PRKG1: variants seen among roughly 807,000 people sequenced by gnomAD.
PRKG1 encodes the protein protein kinase cGMP-dependent 1.
A neutral mutation model predicts 88.1 loss-of-function variants in PRKG1; 35 were observed. The observed-to-expected ratio is 0.40, with a 90% CI of 0.30 to 0.53. The LOEUF is 0.53. Ranked by LOEUF, PRKG1 falls within the 20% of genes least tolerant of loss-of-function variation. The pLI, the probability that PRKG1 is intolerant of heterozygous loss-of-function variation, is 0.59. For missense variants in PRKG1, 540 were observed against 839.8 expected, an observed-to-expected ratio of 0.64 and a Z score of 4.41; for synonymous variants, 303 against 292.5, an observed-to-expected ratio of 1.04 and a Z score of -0.37.
intron 1 of PRKG1, among the ~76,000 whole-genome samples, chr10:50,999,718 A>G (rs1360636925): frequency 6.6e-6 from 1 of 152,222 alleles, no homozygotes; most frequent in East Asian, 1.9e-4. Flanking sequence ...GTAAATGTTA[A>G]TATTTTTCTT....
intron 7 of PRKG1, among the ~76,000 whole-genome samples, chr10:52,112,682 A>C (rs1296123068): frequency 2.0e-5 from 3 of 152,120 alleles, no homozygotes; most frequent in Non-Finnish European, 4.4e-5. Flanking sequence ...GTCCTTAAAT[A>C]CAAGTGTCCC....
chr10:52,136,162 A>G (rs1178461717), intron 8 of PRKG1, among the ~76,000 whole-genome samples: 1 of 152,102 alleles, frequency 6.6e-6, no homozygotes, highest in Non-Finnish European at 1.5e-5. Flanking sequence ...TGACTAGGTA[A>G]AAAGGAAGTG....
At chr10:51,432,841 C>A (rs969859285) in intron 2 of PRKG1, among the ~76,000 whole-genome samples, 7 of 152,158 alleles carry the variant, frequency 4.6e-5, no homozygotes, top group African/African-American at 1.4e-4. Flanking sequence ...GTTTTAACTA[C>A]GTCCCTTCAT....
chr10:51,413,509 A>G (rs1171508832), intron 2 of PRKG1, among the ~76,000 whole-genome samples: 1 of 151,898 alleles, frequency 6.6e-6, no homozygotes, highest in Non-Finnish European at 1.5e-5. Context: ...ACAGGCACAC[A>G]CCACCACGCC....
At chr10:52,232,605 A>G (rs570477911) in intron 9 of PRKG1, among the ~76,000 whole-genome samples, 3 of 152,360 alleles carry the variant, frequency 2.0e-5, no homozygotes, top group South Asian at 4.1e-4. Flanking sequence ...CATATTTCAT[A>G]TATTTACATT....
chr10:51,630,298 A>T (rs1839490467), intron 3 of PRKG1, among the ~76,000 whole-genome samples: 1 of 152,186 alleles, frequency 6.6e-6, no homozygotes, highest in Non-Finnish European at 1.5e-5. Context: ...TAATGCGGTT[A>T]ATTTTAATCA....
chr10:52,128,052 C>A, intron 7 of PRKG1: 1 of 984,698 alleles, frequency 1.0e-6, no homozygotes, highest in African/African-American at 1.7e-5. Context: ...ATTATCCTAC[C>A]CCTTGTAGTA....
At chr10:51,113,369 G>T (rs1428428617) in intron 1 of PRKG1, among the ~76,000 whole-genome samples, 1 of 152,134 alleles carries the variant, frequency 6.6e-6, no homozygotes, top group Non-Finnish European at 1.5e-5. Context: ...TTGAGCATAA[G>T]GGTGGCAGTG....
At chr10:51,813,951 A>G (rs1839521039) in intron 4 of PRKG1, among the ~76,000 whole-genome samples, 1 of 152,190 alleles carries the variant, frequency 6.6e-6, no homozygotes, top group African/African-American at 2.4e-5. Context: ...AGAATTACAT[A>G]GGCTCAGTGA....
chr10:51,848,633 C>CTGTGTGTG (rs35222566), intron 4 of PRKG1, among the ~76,000 whole-genome samples: 22 of 145,196 alleles, frequency 1.5e-4, no homozygotes, highest in African/African-American at 5.0e-4. Flanking sequence ...GTGTCTGTAT[C>CTGTGTGTG]TGTGTGTGTG....
Position 52,293,889 on chromosome 10 carries a change from A to G in PRKG1, c.2050A>G (p.Ile684Val). The G allele has an allele frequency of 6.2e-7, 1 of 1,609,630 alleles. No homozygotes were observed. Among genetic ancestry groups the G allele is most frequent in the Non-Finnish European group, 8.5e-7 (1 of 1,176,198 alleles). ...ACCTGATGACAACTCAGGATGGGATATAGACTTCTAATGTATTTCTCTTAC... is the reference window on the plus strand; with the variant it reads ...ACCTGATGACAACTCAGGATGGGATGTAGACTTCTAATGTATTTCTCTTAC... ...PPPDDNSGWD[I>V]DF Residue 684 changes from isoleucine (I) to valine (V), a missense_variant, in exon 18 of 18, where the codon ATA becomes GTA. Around this residue, in one of 5 missense-constraint regions of PRKG1, gnomAD observed 26 missense variants for 18.4 expected, o/e 1.41. Coordinates refer to ENST00000373980, the MANE Select transcript of PRKG1 (RefSeq NM_006258.4).
chr10:51,293,471 A>C (rs1840636318), intron 2 of PRKG1, among the ~76,000 whole-genome samples: 2 of 152,114 alleles, frequency 1.3e-5, no homozygotes, highest in Admixed American at 1.3e-4. Flanking sequence ...GAGATCATGC[A>C]ATAGTTGTCT....
At chr10:51,767,903 A>G (rs540448033) in intron 3 of PRKG1, among the ~76,000 whole-genome samples, 198 of 152,256 alleles carry the variant, frequency 1.3e-3, no homozygotes, top group Non-Finnish European at 1.4e-3. Context: ...AGAGAAAATA[A>G]AAGACAGATA....
intron 3 of PRKG1, among the ~76,000 whole-genome samples, chr10:51,757,188 A>G (rs964547102): frequency 4.6e-5 from 7 of 151,828 alleles, no homozygotes; most frequent in South Asian, 2.1e-4. Flanking sequence ...TGCAACCTCA[A>G]CCTCCTGGGT....
At chr10:52,291,237 TA>T (rs1842235448) in intron 17 of PRKG1, among the ~76,000 whole-genome samples, 1 of 58,026 alleles carries the variant, frequency 1.7e-5, no homozygotes, top group Non-Finnish European at 3.2e-5. Flanking sequence ...ATCACTCTTT[TA>T]TTTTTTTATT....
chr10:51,093,334 G>GAGCT (rs1412212242), intron 1 of PRKG1, among the ~76,000 whole-genome samples: 2 of 152,126 alleles, frequency 1.3e-5, no homozygotes, highest in African/African-American at 4.8e-5. Context: ...TGGGAATTTA[G>GAGCT]AGCTGAATGT....
intron 2 of PRKG1, among the ~76,000 whole-genome samples, chr10:51,308,308 C>G (rs1031520812): frequency 6.6e-6 from 1 of 152,102 alleles, no homozygotes; most frequent in Non-Finnish European, 1.5e-5. Context: ...AGGTCTCTGC[C>G]TGTTTCACTA....
intron 3 of PRKG1, chr10:51,698,254 T>C (rs775371688): frequency 1.2e-6 from 2 of 1,614,062 alleles, no homozygotes; most frequent in South Asian, 1.1e-5. Flanking sequence ...TCCTCTCCAT[T>C]ACACGTGTCT....
At chr10:51,191,793 T>A (rs944998456) in intron 2 of PRKG1, among the ~76,000 whole-genome samples, 1 of 151,830 alleles carries the variant, frequency 6.6e-6, no homozygotes, top group African/African-American at 2.4e-5. Flanking sequence ...CTTAACTCAA[T>A]CTTATAAAGA....
Sources: allele counts gnomAD v4.1 joint callset (sites outside exome capture counted in the v4.1 genomes callset), GRCh38; gene constraint gnomAD v4.1.1; regional missense constraint gnomAD v4.1.1; transcripts MANE v1.5; gene names NCBI Gene and HGNC (gene_info 2026-07-23, HGNC 2026-07-21).